The following B3GALT1 variants were observed in gnomAD, a reference collection of about 807,000 sequenced individuals.
B3GALT1 encodes beta-1,3-galactosyltransferase 1.
B3GALT1 carries 10 observed loss-of-function variants against 23.2 expected under a neutral mutation model. The ratio of observed to expected loss-of-function variants is 0.43; its 90% confidence interval spans 0.27 to 0.73. The LOEUF (loss-of-function observed/expected upper bound fraction) is 0.73, where lower values mean the gene tolerates loss of function less well. Among genes scored for constraint, B3GALT1 ranks in the 30% least tolerant of loss-of-function variants. The pLI is 0.21. For missense variants in B3GALT1, 299 were observed against 405.4 expected (o/e 0.74, Z 2.25); for synonymous variants, 156 against 141.5 (o/e 1.10, Z -0.73).
intron 2 of B3GALT1, among the ~76,000 whole-genome samples, chr2:167,592,798 G>A (rs1684707234): frequency 6.6e-6 from 1 of 151,922 alleles, no homozygotes; most frequent in Admixed American, 6.6e-5. Flanking sequence ...ATCTTATCCT[G>A]GAAAAAGACA....
In B3GALT1 at chr2:167,468,536, A is replaced by G. The variant is rs929746990; in HGVS notation, c.-510-21641A>G. Among the ~76,000 whole-genome samples, 11 of 152,302 alleles carry G rather than the reference A, an allele frequency of 7.2e-5. 1 individual carries two copies. In the East Asian group the frequency reaches 1.2e-3, roughly 16 times the overall value. ...ACACTCAAACTTGTAATAAAAATGA[A>G]TTTTTCCAACTTGACAAAGTGTGTC... is the stretch of plus-strand genomic sequence containing the variant. On this transcript the variant is annotated intron_variant, in intron 1 of 4. Coordinates refer to ENST00000392690, the MANE Select transcript of B3GALT1 (RefSeq NM_020981.4).
At chr2:167,435,433 CAAAAAAAAAAA>C (rs1159357073) in intron 1 of B3GALT1, among the ~76,000 whole-genome samples, 20 of 26,210 alleles carry the variant, frequency 7.6e-4, no homozygotes, top group East Asian at 1.7e-3. Context: ...CATATGCTTG[CAAAAAAAAAAA>C]AAAAAAAAAA....
At position 167,621,089 on chromosome 2, in the gene B3GALT1, C is replaced by CTTTT. The variant is rs35420239; in HGVS notation, c.-409-25806_-409-25803dup. Among the ~76,000 whole-genome samples the CTTTT allele has an allele frequency of 5.2e-4, 67 of 129,172 alleles. 1 individual carries two copies. The highest frequency in any genetic ancestry group is 1.4e-3 in the East Asian group (6 of 4,390). 84.7% of individuals were successfully genotyped at this position (129,172 alleles called of 152,430 possible). ...TTCCCATCTTTTATATTTTTCAGTTCTTTTTTTTTTTTTTTTTGAGGCAGG... is the reference window on the plus strand; with the variant it reads ...TTCCCATCTTTTATATTTTTCAGTTCTTTTTTTTTTTTTTTTTTTTTGAGGCAGG... On this transcript the variant is annotated intron_variant, in intron 2 of 4. Coordinates refer to ENST00000392690, the MANE Select transcript of B3GALT1 (RefSeq NM_020981.4).
chr2:167,519,389 ATACATT>A (rs1226880228), intron 2 of B3GALT1, among the ~76,000 whole-genome samples: 12 of 149,498 alleles, frequency 8.0e-5, no homozygotes, highest in African/African-American at 3.0e-4. Context: ...ATTCATTTAG[ATACATT>A]TACTAAGATA....
At chr2:167,617,054 G>A (rs1189637628) in intron 2 of B3GALT1, among the ~76,000 whole-genome samples, 2 of 152,082 alleles carry the variant, frequency 1.3e-5, no homozygotes, top group Non-Finnish European at 2.9e-5. Context: ...GAAGTAGGCA[G>A]TTTCAAGCTT....
intron 2 of B3GALT1, among the ~76,000 whole-genome samples, chr2:167,590,293 C>T (rs540885967): frequency 2.0e-3 from 300 of 146,432 alleles, no homozygotes; most frequent in African/African-American, 6.9e-3. Flanking sequence ...TTGCAGTGCG[C>T]TGAGATCGTG....
chr2:167,726,381 C>G (rs796602879), intron 3 of B3GALT1, among the ~76,000 whole-genome samples: 5 of 152,314 alleles, frequency 3.3e-5, no homozygotes, highest in African/African-American at 1.2e-4. Flanking sequence ...CCACCTGCCC[C>G]TTGTCCAGGC....
At chr2:167,703,782 A>C (rs919528589) in intron 3 of B3GALT1, among the ~76,000 whole-genome samples, 1 of 152,214 alleles carries the variant, frequency 6.6e-6, no homozygotes, top group Non-Finnish European at 1.5e-5. Flanking sequence ...GGAAACCTCA[A>C]TTGAAACTAG....
chr2:167,664,606 C>A (rs189369306), intron 3 of B3GALT1, among the ~76,000 whole-genome samples: 2,493 of 152,178 alleles, frequency 0.016, 61 homozygotes, highest in African/African-American at 0.057. Context: ...ATGGAATGTT[C>A]TTCCATTTGT....
At chr2:167,796,014 CT>C (rs1366980181) in intron 3 of B3GALT1, among the ~76,000 whole-genome samples, 3 of 152,184 alleles carry the variant, frequency 2.0e-5, no homozygotes, top group Non-Finnish European at 4.4e-5. Flanking sequence ...GGTTTAATAA[CT>C]GGTTGTGTAA....
At chr2:167,394,592 T>C (rs1312008806) in intron 1 of B3GALT1, among the ~76,000 whole-genome samples, 1 of 152,136 alleles carries the variant, frequency 6.6e-6, no homozygotes, top group Non-Finnish European at 1.5e-5. Flanking sequence ...AGCAATTTGA[T>C]GTGGGAGCAT....
chr2:167,413,758 A>G (rs1196717307), intron 1 of B3GALT1, among the ~76,000 whole-genome samples: 9 of 151,868 alleles, frequency 5.9e-5, no homozygotes, highest in Admixed American at 5.9e-4. Context: ...TATGTCGTTT[A>G]CATATATTGT....
intron 1 of B3GALT1, among the ~76,000 whole-genome samples, chr2:167,411,848 A>G (rs1046957686): frequency 9.8e-5 from 15 of 152,344 alleles, no homozygotes; most frequent in Admixed American, 5.9e-4. Flanking sequence ...AAATGTATAT[A>G]TACAGAATGG....
At chr2:167,667,534 C>A (rs1686225616) in intron 3 of B3GALT1, among the ~76,000 whole-genome samples, 1 of 152,184 alleles carries the variant, frequency 6.6e-6, no homozygotes, top group Non-Finnish European at 1.5e-5. Context: ...TGGATAATAT[C>A]CTGCAGAGTG....
At chr2:167,650,116 T>A (rs1685835189) in intron 3 of B3GALT1, among the ~76,000 whole-genome samples, 3 of 151,846 alleles carry the variant, frequency 2.0e-5, no homozygotes. Context: ...TGAGTGATTC[T>A]GTCATGAAAT....
chr2:167,370,471 G>A (rs890787383), intron 1 of B3GALT1, among the ~76,000 whole-genome samples: 1 of 152,168 alleles, frequency 6.6e-6, no homozygotes, highest in South Asian at 2.1e-4. Flanking sequence ...AGATGATACA[G>A]CCTTGCCCTC....
intron 1 of B3GALT1, among the ~76,000 whole-genome samples, chr2:167,308,442 C>T (rs1223050810): frequency 6.6e-6 from 1 of 151,954 alleles, no homozygotes; most frequent in East Asian, 1.9e-4. Context: ...TTATTCATAT[C>T]TTCTGTCATA....
At chr2:167,597,808 T>C (rs1462416925) in intron 2 of B3GALT1, among the ~76,000 whole-genome samples, 1 of 152,204 alleles carries the variant, frequency 6.6e-6, no homozygotes. Flanking sequence ...AAAATGACTC[T>C]CCAATAATGC....
At chr2:167,518,820 A>G (rs1001251797) in intron 2 of B3GALT1, among the ~76,000 whole-genome samples, 14 of 152,198 alleles carry the variant, frequency 9.2e-5, no homozygotes, top group Admixed American at 9.2e-4. Flanking sequence ...CCAGGAATGT[A>G]TCTTTTTCCT....
Sources: allele counts gnomAD v4.1 joint callset (sites outside exome capture counted in the v4.1 genomes callset), GRCh38; gene constraint gnomAD v4.1.1; transcripts MANE v1.5; gene names NCBI Gene and HGNC (gene_info 2026-07-23, HGNC 2026-07-21).